CCDC66: variants seen among roughly 807,000 people sequenced by gnomAD.
CCDC66 encodes coiled-coil domain containing 66.
CCDC66 carries 133 observed loss-of-function variants against 128.3 expected under a neutral mutation model. The ratio of observed to expected loss-of-function variants is 1.04; its 90% confidence interval spans 0.90 to 1.20. The LOEUF (loss-of-function observed/expected upper bound fraction) is 1.20, where lower values mean the gene tolerates loss of function less well. Ranked by LOEUF, CCDC66 falls within the 50% of genes most tolerant of loss-of-function variation. The pLI, the probability that CCDC66 is intolerant of heterozygous loss-of-function variation, is 0.00. For missense variants in CCDC66, 1,126 were observed against 1,075.5 expected, an observed-to-expected ratio of 1.05 and a Z score of -0.66; for synonymous variants, 387 against 357.0, an observed-to-expected ratio of 1.08 and a Z score of -0.95.
chr3:56,610,849 C>T (rs979597754), intron 10 of CCDC66, among the ~76,000 whole-genome samples: 13 of 152,158 alleles, frequency 8.5e-5, no homozygotes, highest in African/African-American at 2.9e-4. Context: ...CTTCTGGGTC[C>T]AGCCACCCAG....
At chr3:56,574,525 T>C (rs1182221513) in intron 7 of CCDC66, among the ~76,000 whole-genome samples, 1 of 151,822 alleles carries the variant, frequency 6.6e-6, no homozygotes, top group African/African-American at 2.4e-5. Context: ...GCCACAACTA[T>C]TTATACTATT....
intron 10 of CCDC66, among the ~76,000 whole-genome samples, chr3:56,605,808 G>A (rs9846436): frequency 0.012 from 1,764 of 152,154 alleles, 56 homozygotes; most frequent in African/African-American, 0.04. Context: ...TGTGCTGGGC[G>A]ATCCACTGCT....
intron 7 of CCDC66, among the ~76,000 whole-genome samples, chr3:56,584,874 A>G (rs1259209667): frequency 6.6e-6 from 1 of 151,906 alleles, no homozygotes; most frequent in African/African-American, 2.4e-5. Flanking sequence ...CAGATCACTC[A>G]CGGTTAGGAG....
intron 7 of CCDC66, among the ~76,000 whole-genome samples, chr3:56,575,873 A>G (rs975520469): frequency 6.6e-6 from 1 of 151,790 alleles, no homozygotes; most frequent in African/African-American, 2.4e-5. Context: ...CTTGTCCATA[A>G]CTATTTCACT....
intron 7 of CCDC66, among the ~76,000 whole-genome samples, chr3:56,581,378 G>T (rs2068339981): frequency 6.6e-6 from 1 of 151,842 alleles, no homozygotes; most frequent in South Asian, 2.1e-4. Flanking sequence ...GGAGAAGTTT[G>T]TTATTACCGA....
At chr3:56,597,899 C>G (rs1307032266) in intron 10 of CCDC66, among the ~76,000 whole-genome samples, 1 of 150,772 alleles carries the variant, frequency 6.6e-6, no homozygotes, top group Non-Finnish European at 1.5e-5. Flanking sequence ...CTCAGCCTTC[C>G]AAGTAGCTGG....
In CCDC66 at chr3:56,619,461, T is replaced by TA. The variant is rs771042291; in HGVS notation, c.2570dup (p.Tyr857Ter). ...IPYVRTNEIYYLDPDAPLSGP... is the reference protein window; with the variant it reads ...IPYVRTNEIY ...GTATGTTCGAACAAATGAGATCTAT[T>TA]ACCTTGATCCCGATGCACCATTGTC... The change falls in exon 16 of 18, where the codon TAC becomes TAAC. Residue 857 changes from tyrosine (Y) to a stop codon, truncating the protein, a stop_gained and frameshift_variant. Coordinates refer to ENST00000394672, the MANE Select transcript of CCDC66 (RefSeq NM_001141947.3). LOFTEE classifies it high-confidence loss of function. The TA allele has an allele frequency of 4.3e-6, 7 of 1,613,916 alleles. No homozygotes were observed. The African/African-American group carries it at 8.0e-5, about 18-fold the overall frequency.
intron 14 of CCDC66, chr3:56,617,948 T>C: frequency 1.7e-6 from 1 of 588,194 alleles, no homozygotes; most frequent in South Asian, 2.2e-5. Flanking sequence ...AATACCCCTT[T>C]AAAACCCTTG....
intron 7 of CCDC66, among the ~76,000 whole-genome samples, chr3:56,591,495 A>T (rs1268749114): frequency 1.3e-5 from 2 of 152,030 alleles, no homozygotes; most frequent in African/African-American, 2.4e-5. Flanking sequence ...TGATAAACTT[A>T]AAAAAAATTG....
chr3:56,558,276 G>GT (rs2064633404), intron 1 of CCDC66, among the ~76,000 whole-genome samples: 1 of 152,140 alleles, frequency 6.6e-6, no homozygotes, highest in African/African-American at 2.4e-5. Flanking sequence ...AGACGTTCAA[G>GT]TTTTGTTGGC....
intron 7 of CCDC66, among the ~76,000 whole-genome samples, chr3:56,583,040 G>T (rs1187584771): frequency 2.0e-5 from 3 of 151,258 alleles, no homozygotes; most frequent in African/African-American, 7.3e-5. Context: ...ACCATGACTG[G>T]CTAATTTTTC....
chr3:56,604,964 G>T (rs1476822409), intron 10 of CCDC66, among the ~76,000 whole-genome samples: 6 of 151,830 alleles, frequency 4.0e-5, no homozygotes, highest in African/African-American at 1.5e-4. Flanking sequence ...GGCTGTGTTT[G>T]TTCTTTTTCA....
chr3:56,566,992 G>C lies in CCDC66; in HGVS notation c.753G>C (p.Gly251=). The change falls in exon 6 of 18, where the codon GGG becomes GGC. Residue 251 remains glycine (G), a synonymous_variant. Coordinates refer to ENST00000394672, the MANE Select transcript of CCDC66 (RefSeq NM_001141947.3). ...CAGCTGATATATTCAGTACTCTGGG[G>C]GAAAGGGAATGTGATAGAAGTTCGT... ...WKPADIFSTL[G]ERECDRSSLE... 6.8e-6 allele frequency: 11 copies of C among 1,614,112 alleles called. No individual in the cohort carries two copies. Among genetic ancestry groups the C allele is most frequent in the Non-Finnish European group, 9.3e-6 (11 of 1,180,000 alleles).
chr3:56,569,345 C>A, intron 6 of CCDC66: 1 of 346,758 alleles, frequency 2.9e-6, no homozygotes, highest in Non-Finnish European at 6.1e-6. Context: ...GTACCAGCAT[C>A]TCCTCGGCTT....
At chr3:56,609,582 T>C (rs9883323) in intron 10 of CCDC66, among the ~76,000 whole-genome samples, 2,029 of 152,348 alleles carry the variant, frequency 0.013, 38 homozygotes, top group African/African-American at 0.045. Flanking sequence ...ATGTTAATAT[T>C]GAAATGTGAG....
intron 4 of CCDC66, among the ~76,000 whole-genome samples, chr3:56,564,409 T>C (rs1282994249): frequency 6.6e-6 from 1 of 152,210 alleles, no homozygotes; most frequent in East Asian, 1.9e-4. Context: ...TTTTAGAATA[T>C]AGGAGGCTTT....
rs1184817634 is a variant in CCDC66 at position 56,566,974 on chromosome 3, TA to T, written c.736del (p.Ile246TyrfsTer26). The T allele has an allele frequency of 1.2e-6, 2 of 1,613,982 alleles. No individual in the cohort carries two copies. Among genetic ancestry groups the T allele is most frequent in the South Asian group, 2.2e-5 (2 of 91,064 alleles). Reference protein sequence around the residue: ...AIENEWKPADIFSTLGERECD... With the variant: ...AIENEWKPADXFSTLGERECD... ...GAGAGAATGAATGGAAACCAGCTGA[TA>T]TATTCAGTACTCTGGGGGAAAGGGA... is the stretch of plus-strand genomic sequence containing the variant. On this transcript the variant is annotated frameshift_variant, in exon 6 of 18. Coordinates refer to ENST00000394672, the MANE Select transcript of CCDC66 (RefSeq NM_001141947.3). LOFTEE classifies it high-confidence loss of function.
Position 56,617,409 on chromosome 3 carries a change from C to CA in CCDC66, c.2142dup (p.Ala715SerfsTer7). ...AATAAGCCACCTAAAAGGTATATTC[C>CA]AGCATCAGAAAAGTACCCTAAACAG... is the stretch of plus-strand genomic sequence containing the variant. On this transcript the variant is annotated frameshift_variant, in exon 14 of 18. Transcript: ENST00000394672. LOFTEE classifies it high-confidence loss of function. The CA allele has an allele frequency of 6.2e-7, 1 of 1,613,762 alleles. No individual in the cohort carries two copies.
intron 10 of CCDC66, among the ~76,000 whole-genome samples, chr3:56,597,564 G>GT (rs1406151393): frequency 1.3e-5 from 2 of 151,798 alleles, no homozygotes; most frequent in African/African-American, 4.8e-5. Context: ...CTGTTTTGTA[G>GT]TTTTTTATGT....
Sources: allele counts gnomAD v4.1 joint callset (sites outside exome capture counted in the v4.1 genomes callset), GRCh38; gene constraint gnomAD v4.1.1; transcripts MANE v1.5; gene names NCBI Gene and HGNC (gene_info 2026-07-23, HGNC 2026-07-21).